MAN1C1: variants seen among roughly 807,000 people sequenced by gnomAD.
MAN1C1 encodes mannosyl-oligosaccharide 1,2-alpha-mannosidase IC.
A neutral mutation model predicts 71.5 loss-of-function variants in MAN1C1; 49 were observed. The observed-to-expected ratio is 0.69, with a 90% CI of 0.54 to 0.87. The LOEUF (loss-of-function observed/expected upper bound fraction) is 0.87. MAN1C1 is among the 40% of genes least tolerant of loss of function. The pLI, the probability that MAN1C1 is intolerant of heterozygous loss-of-function variation, is 0.00. For missense variants in MAN1C1, 743 were observed against 835.0 expected, an observed-to-expected ratio of 0.89 and a Z score of 1.36; for synonymous variants, 352 against 343.7, an observed-to-expected ratio of 1.02 and a Z score of -0.27.
At chr1:25,683,986 G>A (rs1453967432) in intron 1 of MAN1C1, among the ~76,000 whole-genome samples, 2 of 152,160 alleles carry the variant, frequency 1.3e-5, no homozygotes, top group Non-Finnish European at 2.9e-5. Flanking sequence ...AACGGGCCAC[G>A]TTCCAAACCT....
chr1:25,770,916 AT>A (rs1196145395), intron 7 of MAN1C1, among the ~76,000 whole-genome samples: 1 of 152,020 alleles, frequency 6.6e-6, no homozygotes, highest in South Asian at 2.1e-4. Context: ...CCTGTTGTTA[AT>A]TTTCAAAGCC....
chr1:25,729,306 T>G (rs1272873553), intron 2 of MAN1C1, among the ~76,000 whole-genome samples: 3 of 152,166 alleles, frequency 2.0e-5, no homozygotes, highest in African/African-American at 7.2e-5. Context: ...GGGTTCCTGC[T>G]CATCCTTCCC....
intron 2 of MAN1C1, among the ~76,000 whole-genome samples, chr1:25,701,952 T>TC (rs1392916666): frequency 5.9e-5 from 9 of 152,042 alleles, no homozygotes; most frequent in African/African-American, 2.2e-4. Context: ...CCCAGCTACT[T>TC]TGGAGGCTGA....
At chr1:25,644,543 T>G (rs1250235452) in intron 1 of MAN1C1, 1 of 135,628 alleles carries the variant, frequency 7.4e-6, no homozygotes, top group African/African-American at 2.9e-5. Flanking sequence ...TTTTTTTTTT[T>G]GAGACAAGGT....
At chr1:25,705,404 A>G (rs74805387) in intron 2 of MAN1C1, among the ~76,000 whole-genome samples, 112 of 152,378 alleles carry the variant, frequency 7.4e-4, no homozygotes, top group African/African-American at 2.5e-3. Context: ...CTGAAGTGTC[A>G]TAGTCGATGG....
intron 1 of MAN1C1, chr1:25,646,131 A>C (rs191143149): frequency 6.6e-6 from 1 of 152,464 alleles, no homozygotes. Flanking sequence ...TTCAGCAGCC[A>C]GTGCTGGGCA....
chr1:25,764,060 GTGTC>G lies in MAN1C1; in HGVS notation c.1141+98_1141+101del. The G allele has an allele frequency of 9.7e-7, 1 of 1,033,078 alleles. No homozygotes were observed. The highest frequency in any genetic ancestry group is 1.5e-6 in the Non-Finnish European group (1 of 668,906). 64.0% of individuals were successfully genotyped at this position (1,033,078 alleles called of 1,614,324 possible). ...CCAGGCCCCTGGGCTGAGTGAGGAT[GTGTC>G]TGTCAGAGCCATGCAGCCAGCAAGG... On this transcript the variant is annotated intron_variant, in intron 7 of 11. Coordinates refer to ENST00000374332, the MANE Select transcript of MAN1C1 (RefSeq NM_020379.4). The surrounding 1 kb of genome is among the most constrained non-coding windows in gnomAD (Gnocchi z 4.4).
chr1:25,782,536 T>G lies in MAN1C1; in HGVS notation c.1651-49T>G. The stretch of plus-strand genomic sequence containing the variant: ...GCATGCACAAGTCTTGAGGGGCCTT[T>G]CCTGTCCCGTGTTAAGGCTGTTTTC... On this transcript the variant is annotated intron_variant, in intron 10 of 11. Transcript: ENST00000374332. The surrounding 1 kb of genome is among the most constrained non-coding windows in gnomAD (Gnocchi z 4.4). 7.5e-7 allele frequency: 1 copy of G among 1,325,556 alleles called. No individual in the cohort carries two copies. The highest frequency in any genetic ancestry group is 1.8e-4 in the Middle Eastern group (1 of 5,548). 82.1% of individuals were successfully genotyped at this position (1,325,556 alleles called of 1,614,324 possible).
intron 7 of MAN1C1, among the ~76,000 whole-genome samples, chr1:25,768,737 T>C (rs1376236739): frequency 1.6e-5 from 1 of 62,458 alleles, no homozygotes; most frequent in Non-Finnish European, 3.1e-5. Flanking sequence ...TACACTCCCC[T>C]CACACACCCA....
intron 6 of MAN1C1, among the ~76,000 whole-genome samples, chr1:25,762,099 C>A (rs1449657733): frequency 1.4e-5 from 2 of 147,926 alleles, no homozygotes; most frequent in Non-Finnish European, 3.0e-5. Flanking sequence ...ATTGTGTATA[C>A]CACATTTTCT....
intron 2 of MAN1C1, among the ~76,000 whole-genome samples, chr1:25,740,003 G>C (rs1446329754): frequency 6.6e-6 from 1 of 152,104 alleles, no homozygotes; most frequent in Admixed American, 6.5e-5. Context: ...ATACTTACGG[G>C]CCCCCGTGGG....
At chr1:25,700,856 A>G (rs112577426) in intron 2 of MAN1C1, among the ~76,000 whole-genome samples, 1 of 151,646 alleles carries the variant, frequency 6.6e-6, no homozygotes, top group Non-Finnish European at 1.5e-5. Flanking sequence ...GGTGCTGCAG[A>G]TGGGGTTGGG....
At chr1:25,780,091 G>A (rs182725045) in intron 9 of MAN1C1, among the ~76,000 whole-genome samples, 2 of 152,278 alleles carry the variant, frequency 1.3e-5, no homozygotes, top group Middle Eastern at 3.4e-3. Context: ...TGTTACCTTG[G>A]GCAAATTACT....
In MAN1C1 at chr1:25,769,960, C is replaced by T. The variant is rs994802668; in HGVS notation, c.1142-1697C>T. Among the ~76,000 whole-genome samples, 1 of 152,114 alleles carries T rather than the reference C, an allele frequency of 6.6e-6. No homozygotes were observed. The highest frequency in any genetic ancestry group is 2.4e-5 in the African/African-American group (1 of 41,430). On this transcript the variant is annotated intron_variant, in intron 7 of 11. Transcript: ENST00000374332. The surrounding 1 kb of genome is among the most constrained non-coding windows in gnomAD (Gnocchi z 4.8). ...GCTTGTGAGAATGCCTGAGCCCCCG[C>T]GTGGGGAATGAGGTGGGGAGGGTGC...
intron 2 of MAN1C1, among the ~76,000 whole-genome samples, chr1:25,731,067 A>G (rs2046902389): frequency 6.6e-6 from 1 of 152,220 alleles, no homozygotes; most frequent in African/African-American, 2.4e-5. Flanking sequence ...CTGTAATCCC[A>G]GCACTTTGGG....
At chr1:25,719,509 C>T (rs1006025047) in intron 2 of MAN1C1, among the ~76,000 whole-genome samples, 2 of 151,870 alleles carry the variant, frequency 1.3e-5, no homozygotes, top group Non-Finnish European at 2.9e-5. Flanking sequence ...ACTGCAGCCT[C>T]GAACTCCTGG....
intron 1 of MAN1C1, among the ~76,000 whole-genome samples, chr1:25,662,495 C>T (rs1254138923): frequency 1.3e-5 from 2 of 152,192 alleles, no homozygotes; most frequent in African/African-American, 4.8e-5. Context: ...TTTCTCGTGT[C>T]ACAGACTCCT....
intron 2 of MAN1C1, among the ~76,000 whole-genome samples, chr1:25,700,339 C>G (rs1030928695): frequency 5.9e-5 from 9 of 152,210 alleles, no homozygotes; most frequent in African/African-American, 2.2e-4. Context: ...CCAGATAATG[C>G]TCCTCTTGAA....
intron 7 of MAN1C1, among the ~76,000 whole-genome samples, chr1:25,766,863 G>C (rs2124384071): frequency 6.6e-6 from 1 of 152,188 alleles, no homozygotes; most frequent in African/African-American, 2.4e-5. Context: ...GTGAGCTGCA[G>C]CCTGGCAGCT....
Sources: gnomAD v4.1 joint callset for allele counts (sites outside exome capture counted in the v4.1 genomes callset) on GRCh38, gnomAD v4.1.1 for gene constraint, Gnocchi (gnomAD v3.1) non-coding constraint, MANE v1.5 for transcripts, NCBI Gene and HGNC (gene_info 2026-07-23, HGNC 2026-07-21) for gene names.